Variants in GRIK2 observed in about 807,000 individuals in gnomAD.
GRIK2 encodes the protein glutamate ionotropic receptor kainate type subunit 2.
Under a neutral mutation model 100.3 loss-of-function variants are expected in GRIK2, and 32 were observed. The observed-to-expected ratio is 0.32, with a 90% CI of 0.24 to 0.43. The LOEUF (loss-of-function observed/expected upper bound fraction) is 0.43. GRIK2 is among the 20% of genes least tolerant of loss of function. GRIK2 has a pLI of 1.00. For synonymous variants in GRIK2, 417 were observed against 389.4 expected (o/e 1.07, Z -0.83); for missense variants, 843 against 1,114.9 (o/e 0.76, Z 3.47).
chr6:101,500,596 G>A (rs1348905528), intron 2 of GRIK2, among the ~76,000 whole-genome samples: 1 of 152,038 alleles, frequency 6.6e-6, no homozygotes, highest in Non-Finnish European at 1.5e-5. Flanking sequence ...AGGTCAACTA[G>A]AGCTTAGAAG....
At chr6:101,920,883 A>G (rs1045480743) in intron 12 of GRIK2, among the ~76,000 whole-genome samples, 1 of 151,938 alleles carries the variant, frequency 6.6e-6, no homozygotes, top group African/African-American at 2.4e-5. Context: ...ACAATTAAAG[A>G]TTTTTAAAAT....
rs961837401 is a variant in GRIK2 at position 101,459,969 on chromosome 6, C to T, written c.115+60577C>T. On this transcript the variant is annotated intron_variant, in intron 2 of 16. Coordinates refer to ENST00000369134, the MANE Select transcript of GRIK2 (RefSeq NM_021956.5). ...ACAGGGTTTCACCACTTTGGTCAGG[C>T]TGGTCTCGAACTTCCAATCTTAGGT... Among the ~76,000 whole-genome samples, 32 of 152,216 alleles carry T rather than the reference C, an allele frequency of 2.1e-4. 2 individuals carry two copies. The highest frequency in any genetic ancestry group is 1.2e-3 in the South Asian group (6 of 4,820).
chr6:101,526,338 A>T (rs1775155383), intron 2 of GRIK2, among the ~76,000 whole-genome samples: 1 of 152,212 alleles, frequency 6.6e-6, no homozygotes, highest in East Asian at 1.9e-4. Context: ...TAGAAATTGG[A>T]TGGGAGAGTT....
At chr6:101,761,487 T>C (rs1777662405) in intron 7 of GRIK2, among the ~76,000 whole-genome samples, 1 of 152,118 alleles carries the variant, frequency 6.6e-6, no homozygotes, top group Admixed American at 6.5e-5. Flanking sequence ...TCTCCAGAGC[T>C]CATGATAGCA....
intron 10 of GRIK2, among the ~76,000 whole-genome samples, chr6:101,844,724 T>A (rs1236148967): frequency 6.6e-6 from 1 of 152,200 alleles, no homozygotes; most frequent in Non-Finnish European, 1.5e-5. Context: ...TCATAGCAAT[T>A]TGAGGACACA....
chr6:101,784,291 G>A (rs1260905569), intron 7 of GRIK2, among the ~76,000 whole-genome samples: 3 of 152,360 alleles, frequency 2.0e-5, no homozygotes, highest in East Asian at 3.9e-4. Context: ...AGCTCCAGCA[G>A]TGGCTAAAAG....
chr6:101,602,511 A>G (rs1779265094), intron 2 of GRIK2, among the ~76,000 whole-genome samples: 1 of 151,454 alleles, frequency 6.6e-6, no homozygotes, highest in African/African-American at 2.4e-5. Flanking sequence ...TACATTTTAA[A>G]AATTTGAATT....
intron 7 of GRIK2, among the ~76,000 whole-genome samples, chr6:101,717,593 T>G (rs999146201): frequency 6.6e-6 from 1 of 151,774 alleles, no homozygotes; most frequent in Non-Finnish European, 1.5e-5. Context: ...TTTAGTGGAA[T>G]TAGGGGCAAG....
At chr6:101,483,379 T>C (rs1019275047) in intron 2 of GRIK2, among the ~76,000 whole-genome samples, 2 of 152,328 alleles carry the variant, frequency 1.3e-5, no homozygotes, top group African/African-American at 4.8e-5. Context: ...GTATGATTAG[T>C]AGTGGGTTCA....
intron 7 of GRIK2, among the ~76,000 whole-genome samples, chr6:101,754,793 G>T (rs909263166): frequency 6.6e-6 from 1 of 152,180 alleles, no homozygotes; most frequent in Admixed American, 6.5e-5. Context: ...GAAACGATAT[G>T]TGCAATGGCT....
intron 10 of GRIK2, among the ~76,000 whole-genome samples, chr6:101,854,400 C>T (rs1281004255): frequency 6.6e-6 from 1 of 152,094 alleles, no homozygotes; most frequent in East Asian, 1.9e-4. Flanking sequence ...GCTGGGACTA[C>T]AGGCACCTGC....
chr6:101,697,064 A>G (rs2128349979), intron 7 of GRIK2, among the ~76,000 whole-genome samples: 1 of 152,108 alleles, frequency 6.6e-6, no homozygotes, highest in South Asian at 2.1e-4. Context: ...TAGGCAAGTT[A>G]CCTAATCTCT....
intron 5 of GRIK2, among the ~76,000 whole-genome samples, chr6:101,677,986 A>G (rs1441058575): frequency 6.6e-6 from 1 of 152,146 alleles, no homozygotes; most frequent in African/African-American, 2.4e-5. Flanking sequence ...GCAACAAATA[A>G]AACAACGCAC....
intron 11 of GRIK2, among the ~76,000 whole-genome samples, chr6:101,878,328 C>T (rs1165443512): frequency 3.0e-5 from 3 of 100,244 alleles, no homozygotes; most frequent in African/African-American, 6.9e-5. Context: ...GGGATGGAGC[C>T]TTCAAAGTGT....
chr6:101,840,887 AAAAG>A (rs1410507743), intron 10 of GRIK2, among the ~76,000 whole-genome samples: 1 of 152,264 alleles, frequency 6.6e-6, no homozygotes, highest in Non-Finnish European at 1.5e-5. Flanking sequence ...GAGGATTAAT[AAAAG>A]AAAGAAATGC....
At chr6:101,841,779 G>T (rs1247266629) in intron 10 of GRIK2, among the ~76,000 whole-genome samples, 4 of 152,132 alleles carry the variant, frequency 2.6e-5, no homozygotes, top group African/African-American at 9.7e-5. Context: ...ATTTATAATG[G>T]AATTCACTTA....
At chr6:101,821,267 T>C (rs1781932178) in intron 10 of GRIK2, among the ~76,000 whole-genome samples, 1 of 152,192 alleles carries the variant, frequency 6.6e-6, no homozygotes, top group Non-Finnish European at 1.5e-5. Context: ...TGCTTCTCAA[T>C]CATAATCAAG....
intron 7 of GRIK2, among the ~76,000 whole-genome samples, chr6:101,778,629 A>G (rs1046087831): frequency 6.6e-6 from 1 of 152,182 alleles, no homozygotes; most frequent in Non-Finnish European, 1.5e-5. Context: ...ACTTCTCACC[A>G]GAAGAAAAAA....
intron 2 of GRIK2, among the ~76,000 whole-genome samples, chr6:101,610,421 C>T (rs911027987): frequency 6.6e-6 from 1 of 151,746 alleles, no homozygotes; most frequent in Non-Finnish European, 1.5e-5. Context: ...CTCATGATAT[C>T]TAAATCATCT....
Sources: gnomAD v4.1 joint callset for allele counts (sites outside exome capture counted in the v4.1 genomes callset) on GRCh38, gnomAD v4.1.1 for gene constraint, MANE v1.5 for transcripts, NCBI Gene and HGNC (gene_info 2026-07-23, HGNC 2026-07-21) for gene names.